Variants in LHFPL3 observed in about 807,000 individuals in gnomAD.
The protein encoded by LHFPL3 is LHFPL tetraspan subfamily member 3, also known as LHFPL tetraspan subfamily member 3 protein.
In LHFPL3, 5 loss-of-function variants were observed where a neutral mutation model predicts 19.3. The ratio of observed to expected loss-of-function variants is 0.26; its 90% CI spans 0.14 to 0.54. The LOEUF (loss-of-function observed/expected upper bound fraction) is 0.54, where lower values mean the gene tolerates loss of function less well. LHFPL3 is among the 20% of genes least tolerant of loss of function. The probability of loss-of-function intolerance (pLI) is 0.94; values close to 1 mark genes in which losing one functional copy is unlikely to be tolerated. For missense variants in LHFPL3, 249 were observed against 307.4 expected, an observed-to-expected ratio of 0.81 and a Z score of 1.42; for synonymous variants, 133 against 126.2, an observed-to-expected ratio of 1.05 and a Z score of -0.36.
intron 1 of LHFPL3, among the ~76,000 whole-genome samples, chr7:104,595,318 G>T (rs1195630741): frequency 6.6e-6 from 1 of 152,182 alleles, no homozygotes; most frequent in African/African-American, 2.4e-5. Context: ...AGGTCTGTTG[G>T]AGTTTGCTGG....
rs775826909 is a variant in LHFPL3 at position 104,787,780 on chromosome 7, C to A, written c.682+50869C>A. ...CAGGCTGGTATCAAACTCCTGGGTTCCTCCTGCCTTAGCCTCCCAGAGTGC... is the reference window on the plus strand; with the variant it reads ...CAGGCTGGTATCAAACTCCTGGGTTACTCCTGCCTTAGCCTCCCAGAGTGC... On this transcript the variant is annotated intron_variant, in intron 2 of 2. Transcript: ENST00000424859. Among the ~76,000 whole-genome samples the A allele has an allele frequency of 1.9e-4, 29 of 152,220 alleles. No homozygotes were observed. In the Middle Eastern group the frequency reaches 0.01, roughly 54 times the overall value.
At position 104,352,506 on chromosome 7, in the gene LHFPL3, G is replaced by A. The variant is rs117842978; in HGVS notation, c.445+23282G>A. Reference sequence around the variant, plus strand: ...GCATCCAATCTACCTTCCTGCAGCCGCCTGTATCTTCCAGCCCCAACCCTG... The same window carrying A: ...GCATCCAATCTACCTTCCTGCAGCCACCTGTATCTTCCAGCCCCAACCCTG... On this transcript the variant is annotated intron_variant, in intron 1 of 2. Transcript: ENST00000424859. Among the ~76,000 whole-genome samples the A allele has an allele frequency of 2.8e-4, 42 of 152,044 alleles. No individual in the cohort carries two copies. The East Asian group carries it at 5.2e-3, about 19-fold the overall frequency.
intron 2 of LHFPL3, among the ~76,000 whole-genome samples, chr7:104,765,230 C>T (rs1794436356): frequency 6.6e-6 from 1 of 152,210 alleles, no homozygotes; most frequent in African/African-American, 2.4e-5. Flanking sequence ...AAATGCTCCT[C>T]TACTCCCTTT....
intron 1 of LHFPL3, among the ~76,000 whole-genome samples, chr7:104,589,558 T>C (rs1046852169): frequency 6.6e-6 from 1 of 152,204 alleles, no homozygotes; most frequent in Non-Finnish European, 1.5e-5. Flanking sequence ...ATCAGGGATA[T>C]TGGTCTAAAA....
chr7:104,444,438 A>G (rs973289836), intron 1 of LHFPL3, among the ~76,000 whole-genome samples: 2 of 152,190 alleles, frequency 1.3e-5, no homozygotes, highest in African/African-American at 4.8e-5. Flanking sequence ...ACCCCCCTGT[A>G]TTTTTAGATA....
intron 1 of LHFPL3, among the ~76,000 whole-genome samples, chr7:104,641,689 G>A (rs907673300): frequency 6.6e-6 from 1 of 152,122 alleles, no homozygotes; most frequent in African/African-American, 2.4e-5. Context: ...TAAATTGAGG[G>A]GAGGGGGAAA....
At chr7:104,436,301 C>T (rs1792104380) in intron 1 of LHFPL3, among the ~76,000 whole-genome samples, 1 of 152,104 alleles carries the variant, frequency 6.6e-6, no homozygotes, top group Non-Finnish European at 1.5e-5. Context: ...TTTGCATGCA[C>T]TATTAACTCA....
chr7:104,537,729 T>C (rs1794415938), intron 1 of LHFPL3, among the ~76,000 whole-genome samples: 1 of 152,234 alleles, frequency 6.6e-6, no homozygotes, highest in Non-Finnish European at 1.5e-5. Context: ...AGTCTTACAA[T>C]AGATGAAGGA....
At chr7:104,520,015 G>A (rs1300248080) in intron 1 of LHFPL3, among the ~76,000 whole-genome samples, 1 of 151,906 alleles carries the variant, frequency 6.6e-6, no homozygotes, top group Non-Finnish European at 1.5e-5. Flanking sequence ...GGGCATCCCT[G>A]TCTTGTGCCG....
rs559488089 is a variant in LHFPL3, at chr7:104,482,189, C to G, written c.445+152965C>G. ...GACTCCTGGGAAATCCCACTGAGGT[C>G]GGATTTCCATTAGCCACATCCTTGC... On this transcript the variant is annotated intron_variant, in intron 1 of 2. Coordinates refer to ENST00000424859, the MANE Select transcript of LHFPL3 (RefSeq NM_199000.3). Among the ~76,000 whole-genome samples, 4 of 152,314 alleles carry G rather than the reference C, an allele frequency of 2.6e-5. No individual in the cohort carries two copies. The South Asian group carries it at 8.3e-4, about 32-fold the overall frequency.
intron 1 of LHFPL3, among the ~76,000 whole-genome samples, chr7:104,734,199 G>C (rs968693071): frequency 6.6e-6 from 1 of 152,030 alleles, no homozygotes; most frequent in African/African-American, 2.4e-5. Flanking sequence ...TATGTATCTT[G>C]GAGTTGCTCC....
At chr7:104,604,343 C>T (rs1402971865) in intron 1 of LHFPL3, among the ~76,000 whole-genome samples, 4 of 152,174 alleles carry the variant, frequency 2.6e-5, no homozygotes, top group Admixed American at 2.0e-4. Flanking sequence ...AGGGAGGGCA[C>T]CCTGGGCCTG....
chr7:104,749,879 G>T (rs1465292054), intron 2 of LHFPL3, among the ~76,000 whole-genome samples: 1 of 152,228 alleles, frequency 6.6e-6, no homozygotes, highest in Non-Finnish European at 1.5e-5. Flanking sequence ...CCCTAAAAAG[G>T]ATACCCTATT....
At position 104,833,038 on chromosome 7, in the gene LHFPL3, T is replaced by TAATAG. The variant is rs368774807; in HGVS notation, c.683-73148_683-73147insATAGA. On this transcript the variant is annotated intron_variant, in intron 2 of 2. Transcript: ENST00000424859. ...TTATATATAATAGATATATTATATA[T>TAATAG]ATATATTATATATATATTATATATA... 3.7e-4 allele frequency among the ~76,000 whole-genome samples: 8 copies of TAATAG among 21,606 alleles called. 1 individual carries two copies. Among genetic ancestry groups the TAATAG allele is most frequent in the South Asian group, 4.0e-3 (2 of 494 alleles). 14.2% of individuals were successfully genotyped at this position (21,606 alleles called of 152,430 possible).
At position 104,514,432 on chromosome 7, in the gene LHFPL3, T is replaced by C. The variant is rs777959337; in HGVS notation, c.445+185208T>C. 9.8e-5 allele frequency among the ~76,000 whole-genome samples: 15 copies of C among 152,322 alleles called. No homozygotes were observed. In the South Asian group the frequency reaches 2.1e-3, roughly 21 times the overall value. The stretch of plus-strand genomic sequence containing the variant: ...ACGAGGGAAGAAATCTCATCTGTTA[T>C]TGCTCACAATTTTAGCCACAGTCAC... On this transcript the variant is annotated intron_variant, in intron 1 of 2. Transcript: ENST00000424859.
chr7:104,719,314 C>T (rs944841599), intron 1 of LHFPL3, among the ~76,000 whole-genome samples: 42 of 151,980 alleles, frequency 2.8e-4, no homozygotes. Context: ...GGAATATATA[C>T]CTTTTAAGAA....
intron 1 of LHFPL3, among the ~76,000 whole-genome samples, chr7:104,531,028 A>G (rs1210596202): frequency 2.0e-5 from 3 of 152,204 alleles, no homozygotes; most frequent in Non-Finnish European, 4.4e-5. Context: ...AAAAATAAAT[A>G]AAGTTCTGAA....
rs554163592 is a variant in LHFPL3, at chr7:104,630,767, T to C, written c.446-105908T>C. 9.2e-5 allele frequency among the ~76,000 whole-genome samples: 14 copies of C among 152,216 alleles called. 1 individual carries two copies. In the South Asian group the frequency reaches 2.1e-3, roughly 23 times the overall value. ...GAAGGTTGGATATAAATAATTATTA[T>C]TTATAAGAGGACACTGGAGCAACAG... On this transcript the variant is annotated intron_variant, in intron 1 of 2. Transcript: ENST00000424859.
chr7:104,824,546 T>TA (rs1479390645), intron 2 of LHFPL3, among the ~76,000 whole-genome samples: 3 of 64,626 alleles, frequency 4.6e-5, no homozygotes, highest in African/African-American at 1.2e-4. Context: ...TATATAATTA[T>TA]ATATAATATA....
Sources: gnomAD v4.1 joint callset for allele counts (sites outside exome capture counted in the v4.1 genomes callset) on GRCh38, gnomAD v4.1.1 for gene constraint, MANE v1.5 for transcripts, NCBI Gene and HGNC (gene_info 2026-07-23, HGNC 2026-07-21) for gene names.